NCL: variants seen among roughly 807,000 people sequenced by gnomAD.
NCL encodes the protein nucleolin multifunctional protein.
A neutral mutation model predicts 77.7 loss-of-function variants in NCL; 4 were observed. That is an observed-to-expected ratio of 0.05 (90% CI 0.03 to 0.12). NCL has a LOEUF of 0.12. Among genes scored for constraint, NCL ranks in the 10% least tolerant of loss-of-function variants. NCL has a pLI of 1.00. For missense variants in NCL, 763 were observed against 860.9 expected, an observed-to-expected ratio of 0.89 and a Z score of 1.42; for synonymous variants, 344 against 297.8, an observed-to-expected ratio of 1.16 and a Z score of -1.60.
rs1223239594 is a variant in NCL at position 231,461,755 on chromosome 2, C to A, written c.398G>T (p.Gly133Val). ...CTTGGCATTCTTGCCATTCTTTGCC[C>A]CCTTGGCTGGGATGGCAGCACCCTT... ...GKKGAAIPAK[G>V]AKNGKNAKKE... Residue 133 changes from glycine (G) to valine (V), a missense_variant, in exon 3 of 14, where the codon GGG becomes GTG. By Grantham distance (109) the Gly-to-Val change is moderately radical (BLOSUM62 -3). Transcript: ENST00000322723. 1 of 1,614,170 alleles carries A rather than the reference C, an allele frequency of 6.2e-7. No homozygotes were observed. The highest frequency in any genetic ancestry group is 8.5e-7 in the Non-Finnish European group (1 of 1,180,024).
chr2:231,458,823 G>A, intron 7 of NCL, 178 bp downstream of exon 7: 1 of 626,666 alleles, frequency 1.6e-6, no homozygotes. Context: ...ACACTGACAA[G>A]CAGTGCCAAG....
chr2:231,456,331 T>C, intron 11 of NCL, 195 bp from the exon 12 acceptor site: 5 of 875,856 alleles, frequency 5.7e-6, no homozygotes, highest in Non-Finnish European at 9.1e-6. Flanking sequence ...ATTGCATAGT[T>C]GATATCCTGC....
In NCL at chr2:231,460,709, A is replaced by C. The variant is rs747126012; in HGVS notation, c.771T>G (p.Asp257Glu). 18 of 1,608,158 alleles carry C rather than the reference A, an allele frequency of 1.1e-5. No homozygotes were observed. In the East Asian group the frequency reaches 2.9e-4, roughly 26 times the overall value. The change falls in exon 4 of 14, where the codon GAT becomes GAG. Residue 257 changes from aspartate (D) to glutamate (E), a missense_variant. Physicochemically the swap from Asp to Glu is conservative, Grantham distance 45. Transcript: ENST00000322723. The stretch of plus-strand genomic sequence containing the variant: ...CTTCCTCCTCCTCATCATCTTCATC[A>C]TCATCATCTTCATCATCTTCGTCGT... Reference protein sequence around the residue: ...DDDDEDDEDDDDEDDEEEEEE... With the variant: ...DDDDEDDEDDEDEDDEEEEEE...
chr2:231,460,730 G>A lies in NCL; in HGVS notation c.750C>T (p.Asp250=), dbSNP rs1457252148. The A allele has an allele frequency of 3.8e-6, 6 of 1,595,280 alleles. No homozygotes were observed. Among genetic ancestry groups the A allele is most frequent in the Non-Finnish European group, 3.4e-6 (4 of 1,165,368 alleles). Residue 250 remains aspartate (D), a synonymous_variant, in exon 4 of 14, where the codon GAC becomes GAT. Transcript: ENST00000322723. The part of the protein sequence containing the change: ...EDDEDEDDDD[D]EDDEDDDDED... ...CATCATCATCATCTTCATCATCTTCGTCGTCGTCGTCATCCTCGTCCTCAT... is the reference window on the plus strand; with the variant it reads ...CATCATCATCATCTTCATCATCTTCATCGTCGTCGTCATCCTCGTCCTCAT...
rs771956127 is a variant in NCL, at chr2:231,463,186, T to C, written c.135+14A>G. 2.6e-6 allele frequency: 4 copies of C among 1,528,476 alleles called. No homozygotes were observed. Among genetic ancestry groups the C allele is most frequent in the Admixed American group, 2.0e-5 (1 of 50,760 alleles). The allele number at this position is 1,528,476 out of a possible 1,614,324, so 94.7% of individuals were successfully genotyped here. A position where few individuals can be genotyped will look rare whatever the true frequency, so the allele number is the denominator to read the frequency against. ...AGTTTTAACATAATTCTGCATTAAG[T>C]TGGATAAAATTACCTCTTCTCCACT... On this transcript the variant is annotated intron_variant, in intron 2 of 13. Coordinates refer to ENST00000322723, the MANE Select transcript of NCL (RefSeq NM_005381.3).
Position 231,455,506 on chromosome 2 carries a change from C to A in NCL, c.1951G>T (p.Gly651Cys), listed in dbSNP as rs201353243. The A allele has an allele frequency of 2.5e-6, 4 of 1,614,232 alleles. No individual in the cohort carries two copies. The East Asian group carries it at 8.9e-5, about 36-fold the overall frequency. The change falls in exon 13 of 14, where the codon GGT becomes TGT. Residue 651 changes from glycine to cysteine, a missense_variant. Gly to Cys is a radical substitution (Grantham distance 159, BLOSUM62 -3). Coordinates refer to ENST00000322723, the MANE Select transcript of NCL (RefSeq NM_005381.3). Reference protein sequence around the residue: ...TLDWAKPKGEGGFGGRGGGRG... With the variant: ...TLDWAKPKGECGFGGRGGGRG... ...CCTCCACCACGACCCCCGAAGCCACCTTCACCCTTAGGTTTGGCCCAGTCC... is the reference window on the plus strand; with the variant it reads ...CCTCCACCACGACCCCCGAAGCCACATTCACCCTTAGGTTTGGCCCAGTCC...
At position 231,461,523 on chromosome 2, in the gene NCL, CCAAGA is replaced by C. The variant is rs777655755; in HGVS notation, c.613+12_613+16del. On this transcript the variant is annotated intron_variant, in intron 3 of 13. Transcript: ENST00000322723. ...CTTGTAATCAGAAGCCCAGTAACTA[CCAAGA>C]CAACTCCTTACCATCTTCCTCATCG... 222 of 1,609,480 alleles carry C rather than the reference CCAAGA, an allele frequency of 1.4e-4. No individual in the cohort carries two copies. Among genetic ancestry groups the C allele is most frequent in the Non-Finnish European group, 1.8e-4 (217 of 1,177,506 alleles).
At chr2:231,458,873 A>G in intron 7 of NCL, 128 bp downstream of exon 7, 1 of 1,045,518 alleles carries the variant, frequency 9.6e-7, no homozygotes, top group South Asian at 2.1e-5. Context: ...TTCCCACATT[A>G]AGAGGAAACC....
chr2:231,456,217 T>C (rs374655131), intron 11 of NCL, 81 bp from the exon 12 acceptor site: 2 of 1,539,922 alleles, frequency 1.3e-6, no homozygotes, highest in Non-Finnish European at 8.9e-7. Flanking sequence ...GTATGACTAC[T>C]AGCCAAGAAT....
intron 6 of NCL, among the ~76,000 whole-genome samples, chr2:231,459,329 G>A (rs1445754061): frequency 6.6e-6 from 1 of 152,140 alleles, no homozygotes; most frequent in Non-Finnish European, 1.5e-5. Flanking sequence ...GCACATTCAC[G>A]TTTGAGGTCT....
At chr2:231,456,806 C>T in intron 10 of NCL, 42 bp from the exon 11 acceptor site, 2 of 1,609,708 alleles carry the variant, frequency 1.2e-6, no homozygotes, top group Non-Finnish European at 1.7e-6. Context: ...TTACCAGGCA[C>T]ATGCTCCTTC....
chr2:231,460,330 G>A, intron 5 of NCL, 37 bp from the exon 6 acceptor site: 1 of 1,613,966 alleles, frequency 6.2e-7, no homozygotes, highest in Non-Finnish European at 8.5e-7. Flanking sequence ...TACTTGTAGT[G>A]TGGTAAAAAG....
At chr2:231,464,148 G>A (rs907773236) in intron 1 of NCL, 188 bp downstream of exon 1, 2 of 1,403,620 alleles carry the variant, frequency 1.4e-6, no homozygotes, top group African/African-American at 1.4e-5. Context: ...AGCACCTGCA[G>A]AAGCTCTTCA....
At chr2:231,458,468 C>T (rs1352121915) in intron 7 of NCL, 79 bp from the exon 8 acceptor site, 10 of 1,505,564 alleles carry the variant, frequency 6.6e-6, no homozygotes, top group Non-Finnish European at 9.1e-6. Context: ...AGGGGAAAAA[C>T]ACACATAGCT....
rs2046921890 is a variant in NCL, at chr2:231,459,128, T to C, written c.1041-3A>G. On this transcript the variant is annotated splice_polypyrimidine_tract_variant and splice_region_variant and intron_variant, in intron 6 of 13. Coordinates refer to ENST00000322723, the MANE Select transcript of NCL (RefSeq NM_005381.3). Reference sequence around the variant, plus strand: ...CAAAATCCACATAACCAAATTTCCTTCAAGGTGGAGAGGAGGGCAAAATTA... The same window carrying C: ...CAAAATCCACATAACCAAATTTCCTCCAAGGTGGAGAGGAGGGCAAAATTA... 5.7e-6 allele frequency: 9 copies of C among 1,566,532 alleles called. No homozygotes were observed. Among genetic ancestry groups the C allele is most frequent in the Non-Finnish European group, 6.9e-6 (8 of 1,161,994 alleles).
chr2:231,459,413 A>T (rs575660894), intron 6 of NCL, among the ~76,000 whole-genome samples: 153 of 152,340 alleles, frequency 1.0e-3, no homozygotes, highest in Admixed American at 2.3e-3. Flanking sequence ...GCACTAATAC[A>T]GGAGAATCCT....
rs995986682 is a variant in NCL, at chr2:231,454,629, G to C, written c.*562C>G. 6.5e-6 allele frequency: 1 copy of C among 153,598 alleles called. No individual in the cohort carries two copies. Among genetic ancestry groups the C allele is most frequent in the East Asian group, 1.9e-4 (1 of 5,224 alleles). 9.5% of individuals were successfully genotyped at this position (153,598 alleles called of 1,614,324 possible). ...ATTTCAACCAAGTTAGTTAGGGCTG[G>C]GATACTGGAAACACGCACTAAGCCA... On this transcript the variant is annotated 3_prime_UTR_variant, in exon 14 of 14. Transcript: ENST00000322723.
At position 231,461,021 on chromosome 2, in the gene NCL, G is replaced by A. The variant is rs139121632; in HGVS notation, c.614-155C>T. Among the ~76,000 whole-genome samples the A allele has an allele frequency of 8.9e-3, 1,353 of 152,298 alleles. 20 individuals carry two copies. The highest frequency in any genetic ancestry group is 0.031 in the African/African-American group (1,296 of 41,560). On this transcript the variant is annotated intron_variant, in intron 3 of 13. Coordinates refer to ENST00000322723, the MANE Select transcript of NCL (RefSeq NM_005381.3). ...GGGCCGGGCGCAGTGGCTCACGCCT[G>A]TAATCCTAGCACTTTGGGAGACCAA...
At chr2:231,456,182 TA>T in intron 11 of NCL, 46 bp from the exon 12 acceptor site, 1 of 1,610,690 alleles carries the variant, frequency 6.2e-7, no homozygotes, top group Non-Finnish European at 8.5e-7. Context: ...TCACAGTTCG[TA>T]ACACTGAATT....
Sources: allele counts gnomAD v4.1 joint callset (sites outside exome capture counted in the v4.1 genomes callset), GRCh38; gene constraint gnomAD v4.1.1; transcripts MANE v1.5; gene names NCBI Gene and HGNC (gene_info 2026-07-23, HGNC 2026-07-21).